GRM6: variants seen among roughly 807,000 people sequenced by gnomAD.
GRM6 encodes glutamate metabotropic receptor 6.
In GRM6, 73 loss-of-function variants were observed where a neutral mutation model predicts 78.4. The observed-to-expected ratio is 0.93, with a 90% CI of 0.77 to 1.13. The LOEUF is 1.13. Among genes scored for constraint, GRM6 ranks in the 50% most tolerant of loss-of-function variants. GRM6 has a pLI of 0.00. For missense variants in GRM6, 1,251 were observed against 1,256.4 expected, an observed-to-expected ratio of 1.00 and a Z score of 0.07; for synonymous variants, 580 against 555.0, an observed-to-expected ratio of 1.05 and a Z score of -0.63.
At chr5:178,990,498 T>C (rs1760650124) in intron 5 of GRM6, 94 bp downstream of exon 5, 1 of 1,019,618 alleles carries the variant, frequency 9.8e-7, no homozygotes, top group South Asian at 1.3e-5. Flanking sequence ...ATCTGGATTA[T>C]GGCACCAATT....
At position 178,986,922 on chromosome 5, in the gene GRM6, G is replaced by A. The variant is rs774196076; in HGVS notation, c.1416C>T (p.Ile472=). 4.3e-6 allele frequency: 7 copies of A among 1,614,012 alleles called. No homozygotes were observed. Among genetic ancestry groups the A allele is most frequent in the African/African-American group, 4.0e-5 (3 of 74,940 alleles). ...ENGDAPGRYD[I]FQYQATNGSA... ...TGCCATTGGTCGCCTGGTACTGGAA[G>A]ATGTCGTACCGCCCGGGCGCATCTC... Residue 472 remains isoleucine, a synonymous_variant, in exon 8 of 11, where the codon ATC becomes ATT. Transcript: ENST00000517717.
chr5:178,985,352 C>A, intron 9 of GRM6: 1 of 429,618 alleles, frequency 2.3e-6, no homozygotes. Context: ...GAGATGGCGG[C>A]CCTAACTGAG....
At position 178,979,424 on chromosome 5, in the gene GRM6, C is replaced by T. The variant is rs1581889490; in HGVS notation, c.*2233G>A. ...CAGTAACAGAGGATGTCCCCCTGTA[C>T]CCAGAATGGTGCATGCTGTGGAGAT... is the stretch of plus-strand genomic sequence containing the variant. On this transcript the variant is annotated 3_prime_UTR_variant, in exon 11 of 11. Coordinates refer to ENST00000517717, the MANE Select transcript of GRM6 (RefSeq NM_000843.4). 1 of 152,172 alleles carries T rather than the reference C, an allele frequency of 6.6e-6. No individual in the cohort carries two copies. Among genetic ancestry groups the T allele is most frequent in the South Asian group, 2.1e-4 (1 of 4,830 alleles). The allele number at this position is 152,172 out of a possible 1,614,324, so 9.4% of individuals were successfully genotyped here.
At chr5:178,994,406 A>G (rs1760734596) in intron 2 of GRM6, 35 bp downstream of exon 2, 1 of 1,475,652 alleles carries the variant, frequency 6.8e-7, no homozygotes. Context: ...CGGGAGAGGG[A>G]CGCTGGACAC....
intron 2 of GRM6, among the ~76,000 whole-genome samples, chr5:178,993,855 A>C (rs1017989544): frequency 6.6e-6 from 1 of 152,186 alleles, no homozygotes; most frequent in Admixed American, 6.5e-5. Flanking sequence ...ACCAGAGCTC[A>C]GAAGGGAACG....
chr5:178,985,411 A>G, intron 9 of GRM6: 2 of 366,412 alleles, frequency 5.5e-6, no homozygotes, highest in East Asian at 7.9e-5. Flanking sequence ...CCTTAAAAAA[A>G]AAAAAAAACT....
Position 178,994,491 on chromosome 5 carries a change from AGGCGCCCAC to A in GRM6, c.445_453del (p.Val149_Ala151del). On this transcript the variant is annotated inframe_deletion, in exon 2 of 11. Transcript: ENST00000517717. ...ACCATGATGGAGACGGAGCTGGCCG[AGGCGCCCAC>A]GACGGCCACGACGCGCTCGGGGGGC... 2 of 1,456,668 alleles carry A rather than the reference AGGCGCCCAC, an allele frequency of 1.4e-6. No individual in the cohort carries two copies. The highest frequency in any genetic ancestry group is 1.8e-6 in the Non-Finnish European group (2 of 1,108,798). 90.2% of individuals were successfully genotyped at this position (1,456,668 alleles called of 1,614,324 possible).
At position 178,986,505 on chromosome 5, in the gene GRM6, G is replaced by A. The variant is rs747179681; in HGVS notation, c.1749C>T (p.Ser583=). 2.5e-6 allele frequency: 4 copies of A among 1,609,518 alleles called. No homozygotes were observed. The highest frequency in any genetic ancestry group is 4.5e-5 in the East Asian group (2 of 44,802). The change falls in exon 9 of 11, where the codon TCC becomes TCT. Residue 583 remains serine (S), a synonymous_variant. Coordinates refer to ENST00000517717, the MANE Select transcript of GRM6 (RefSeq NM_000843.4). ...GGAGGAGCGGCGGGGCTGCCCAGGGGGAGGACCAGCTCAGGCGCACCACAG... is the reference window on the plus strand; with the variant it reads ...GGAGGAGCGGCGGGGCTGCCCAGGGAGAGGACCAGCTCAGGCGCACCACAG... ...PTPVVRLSWS[S]PWAAPPLLLA... is the part of the protein sequence containing the mutation.
Position 178,994,859 on chromosome 5 carries a change from G to A in GRM6, c.86C>T (p.Ala29Val), listed in dbSNP as rs2113348558. 8.3e-7 allele frequency: 1 copy of A among 1,207,958 alleles called. No individual in the cohort carries two copies. 74.8% of individuals were successfully genotyped at this position (1,207,958 alleles called of 1,614,324 possible). ...GCCCGCCAGGCGCACAGAGCCCGCC[G>A]CGCGCGCCAGGCCCGCCTGCGCCAG... Reference protein sequence around the residue: ...AWLAQAGLARAAGSVRLAGGL... With the variant: ...AWLAQAGLARVAGSVRLAGGL... Residue 29 changes from alanine to valine, a missense_variant, in exon 2 of 11, where the codon GCG (alanine) becomes GTG (valine). Physicochemically the swap from Ala to Val is moderately conservative, Grantham distance 64. Transcript: ENST00000517717.
At chr5:178,984,790 T>C (rs60629856) in intron 9 of GRM6, among the ~76,000 whole-genome samples, 16,577 of 152,086 alleles carry the variant, frequency 0.11, 1,041 homozygotes, top group Middle Eastern at 0.21. Context: ...GTGGAACGAA[T>C]AGAGAAGGGG....
chr5:178,990,560 TG>T (rs1390025695), intron 5 of GRM6, 31 bp downstream of exon 5: 11 of 1,582,768 alleles, frequency 6.9e-6, no homozygotes, highest in Non-Finnish European at 9.5e-6. Context: ...GGGAGACGTG[TG>T]GGGTGGGGGA....
chr5:178,986,082 C>G (rs746584120), intron 9 of GRM6, 48 bp downstream of exon 9: 2 of 1,563,456 alleles, frequency 1.3e-6, no homozygotes, highest in African/African-American at 2.7e-5. Context: ...TGTAACGTTG[C>G]GGACAGTCCC....
rs1760327903 is a variant in GRM6, at chr5:178,978,379, A to G, written c.*3278T>C. ...AGGAAGTAACTGAATAAAGTCAGTT[A>G]CCTGGACTCTTTACAGTAAGCAATG... is the stretch of plus-strand genomic sequence containing the variant. On this transcript the variant is annotated 3_prime_UTR_variant, in exon 11 of 11. Transcript: ENST00000517717. The G allele has an allele frequency of 6.6e-6, 1 of 152,242 alleles. No homozygotes were observed. The highest frequency in any genetic ancestry group is 2.4e-5 in the African/African-American group (1 of 41,474). The allele number at this position is 152,242 out of a possible 1,614,324, so 9.4% of individuals were successfully genotyped here.
chr5:178,994,524 GC>G lies in GRM6; in HGVS notation c.420del (p.Glu143SerfsTer66). On this transcript the variant is annotated frameshift_variant, in exon 2 of 11. Transcript: ENST00000517717. LOFTEE classifies it high-confidence loss of function. ...CPGGVPPLRP[A>X]PPERVVAVVG... ...ACGACGGCCACGACGCGCTCGGGGGGCGCGGGGCGCAGCGGAGGGACGCCTC... is the reference window on the plus strand; with the variant it reads ...ACGACGGCCACGACGCGCTCGGGGGGGCGGGGCGCAGCGGAGGGACGCCTC... The G allele has an allele frequency of 1.4e-6, 2 of 1,396,522 alleles. No homozygotes were observed. Among genetic ancestry groups the G allele is most frequent in the South Asian group, 1.6e-5 (1 of 63,928 alleles). 86.5% of individuals were successfully genotyped at this position (1,396,522 alleles called of 1,614,324 possible).
In GRM6 at chr5:178,983,069, G is replaced by A. The variant is rs1760432982; in HGVS notation, c.2277C>T (p.Leu759=). 6.2e-7 allele frequency: 1 copy of A among 1,614,114 alleles called. No individual in the cohort carries two copies. Among genetic ancestry groups the A allele is most frequent in the Non-Finnish European group, 8.5e-7 (1 of 1,180,044 alleles). The change falls in exon 10 of 11, where the codon CTC becomes CTT. Residue 759 remains leucine (L), a synonymous_variant. Transcript: ENST00000517717. ...ACACTGTGCACGTGACCATGAGCAGGAGGCTGTAGCCCAGGCAGCCGATGA... is the reference window on the plus strand; with the variant it reads ...ACACTGTGCACGTGACCATGAGCAGAAGGCTGTAGCCCAGGCAGCCGATGA... The part of the protein sequence containing the change: ...LSLIGCLGYS[L]LLMVTCTVYA...
intron 5 of GRM6, 89 bp downstream of exon 5, chr5:178,990,503 C>T (rs368297343): frequency 3.5e-4 from 377 of 1,066,044 alleles, no homozygotes; most frequent in Non-Finnish European, 5.1e-4. Flanking sequence ...GATTATGGCA[C>T]CAATTACACA....
chr5:178,984,998 A>G (rs558318109), intron 9 of GRM6, among the ~76,000 whole-genome samples: 15 of 152,250 alleles, frequency 9.9e-5, no homozygotes, highest in Non-Finnish European at 1.9e-4. Flanking sequence ...GTTGTCTCCA[A>G]GGCTGTAATA....
chr5:178,987,205 G>T, intron 7 of GRM6: 1 of 681,788 alleles, frequency 1.5e-6, no homozygotes, highest in Middle Eastern at 2.5e-4. Flanking sequence ...TGGAGAAGTC[G>T]GAACCCTTGT....
chr5:178,982,050 G>A (rs958590893), intron 10 of GRM6, among the ~76,000 whole-genome samples, 196 bp from the exon 11 acceptor site: 1 of 152,222 alleles, frequency 6.6e-6, no homozygotes, highest in African/African-American at 2.4e-5. Context: ...CTCTGGTGTG[G>A]GCAGGAGGGA....
Sources: allele counts gnomAD v4.1 joint callset (sites outside exome capture counted in the v4.1 genomes callset), GRCh38; gene constraint gnomAD v4.1.1; transcripts MANE v1.5; gene names NCBI Gene and HGNC (gene_info 2026-07-23, HGNC 2026-07-21).